The following ZNRF1 variants were observed in gnomAD, a reference collection of about 807,000 sequenced individuals.
ZNRF1 encodes zinc and ring finger 1, also known as E3 ubiquitin-protein ligase ZNRF1.
Under a neutral mutation model 18.4 loss-of-function variants are expected in ZNRF1, and 3 were observed. The observed-to-expected ratio is 0.16, with a 90% CI of 0.07 to 0.42. The LOEUF (loss-of-function observed/expected upper bound fraction) is 0.42. Among genes scored for constraint, ZNRF1 ranks in the 10% least tolerant of loss-of-function variants. ZNRF1 has a pLI of 0.99. For missense variants in ZNRF1, 310 were observed against 329.8 expected, an observed-to-expected ratio of 0.94 and a Z score of 0.47; for synonymous variants, 157 against 144.2, an observed-to-expected ratio of 1.09 and a Z score of -0.64.
At chr16:75,045,951 AG>A (rs1416820676) in intron 1 of ZNRF1, among the ~76,000 whole-genome samples, 1 of 151,838 alleles carries the variant, frequency 6.6e-6, no homozygotes, top group Non-Finnish European at 1.5e-5. Context: ...TGCCCAAGCT[AG>A]AGTACAATGG....
intron 1 of ZNRF1, among the ~76,000 whole-genome samples, chr16:75,078,069 C>T (rs1226468196): frequency 6.6e-6 from 1 of 152,196 alleles, no homozygotes; most frequent in African/African-American, 2.4e-5. Flanking sequence ...CTTTATACAA[C>T]TGGTTGCACA....
At chr16:75,020,322 A>G (rs73612101) in intron 1 of ZNRF1, among the ~76,000 whole-genome samples, 3,561 of 151,992 alleles carry the variant, frequency 0.023, 164 homozygotes, top group African/African-American at 0.083. Flanking sequence ...AATGACATAT[A>G]GTTGGATTTT....
intron 1 of ZNRF1, among the ~76,000 whole-genome samples, chr16:75,000,543 T>G (rs1278683278): frequency 1.3e-5 from 2 of 152,204 alleles, no homozygotes; most frequent in Non-Finnish European, 2.9e-5. Context: ...CAGGGGCAAG[T>G]GATGCCTGGA....
At chr16:75,067,225 C>A (rs577562386) in intron 1 of ZNRF1, among the ~76,000 whole-genome samples, 3 of 152,274 alleles carry the variant, frequency 2.0e-5, no homozygotes, top group Admixed American at 6.5e-5. Context: ...CAGCGCTTGT[C>A]CCAAAAGAGA....
intron 1 of ZNRF1, among the ~76,000 whole-genome samples, chr16:75,034,527 T>G (rs2035352443): frequency 6.6e-6 from 1 of 152,256 alleles, no homozygotes; most frequent in South Asian, 2.1e-4. Flanking sequence ...ATTGCATTTA[T>G]GGACACTTGA....
At chr16:75,091,574 C>T (rs1449468209) in intron 1 of ZNRF1, among the ~76,000 whole-genome samples, 2 of 150,520 alleles carry the variant, frequency 1.3e-5, no homozygotes, top group East Asian at 4.0e-4. Flanking sequence ...GCTCTGTCCC[C>T]CAGGCTGGAG....
intron 1 of ZNRF1, among the ~76,000 whole-genome samples, chr16:75,049,068 A>C (rs996055090): frequency 1.3e-5 from 2 of 151,256 alleles, no homozygotes; most frequent in Non-Finnish European, 2.9e-5. Context: ...GCAATGGTGC[A>C]ATCTCAGCTC....
chr16:75,035,172 G>C lies in ZNRF1; in HGVS notation c.424+35077G>C, dbSNP rs773989385. Reference sequence around the variant, plus strand: ...TTCTCCTGCCTCAGCCTCCCAAGTAGCTGGGACTACAGGTGTGTGCACAAC... The same window carrying C: ...TTCTCCTGCCTCAGCCTCCCAAGTACCTGGGACTACAGGTGTGTGCACAAC... On this transcript the variant is annotated intron_variant, in intron 1 of 4. Coordinates refer to ENST00000335325, the MANE Select transcript of ZNRF1 (RefSeq NM_032268.5). Among the ~76,000 whole-genome samples, 41 of 138,818 alleles carry C rather than the reference G, an allele frequency of 3.0e-4. 1 individual carries two copies. Among genetic ancestry groups the C allele is most frequent in the Non-Finnish European group, 7.6e-5 (5 of 65,772 alleles). 91.1% of individuals were successfully genotyped at this position (138,818 alleles called of 152,430 possible).
At chr16:75,002,666 C>T (rs920438281) in intron 1 of ZNRF1, among the ~76,000 whole-genome samples, 4 of 152,142 alleles carry the variant, frequency 2.6e-5, no homozygotes, top group Non-Finnish European at 5.9e-5. Flanking sequence ...AAGACATATC[C>T]CCTCTCTTGA....
chr16:75,079,977 G>A (rs998221715), intron 1 of ZNRF1, among the ~76,000 whole-genome samples: 3 of 152,192 alleles, frequency 2.0e-5, no homozygotes, highest in Admixed American at 6.5e-5. Flanking sequence ...GTGCAGTGGC[G>A]CGAGCTTGGC....
chr16:75,066,566 G>A (rs902722673), intron 1 of ZNRF1, among the ~76,000 whole-genome samples: 30 of 152,162 alleles, frequency 2.0e-4, no homozygotes, highest in African/African-American at 7.0e-4. Context: ...GCAGTGGCGC[G>A]ATGTCAGGTT....
rs114841301 is a variant in ZNRF1 at position 75,032,195 on chromosome 16, C to T, written c.424+32100C>T. On this transcript the variant is annotated intron_variant, in intron 1 of 4. Coordinates refer to ENST00000335325, the MANE Select transcript of ZNRF1 (RefSeq NM_032268.5). The stretch of plus-strand genomic sequence containing the variant: ...TACGGTCTCAGCTTACTACACCCTC[C>T]GTCTCCTGGGTTCAAGCAATTGTCT... Among the ~76,000 whole-genome samples, 1,068 of 150,526 alleles carry T rather than the reference C, an allele frequency of 7.1e-3. 13 individuals carry two copies. Among genetic ancestry groups the T allele is most frequent in the African/African-American group, 0.025 (1,028 of 40,730 alleles).
intron 1 of ZNRF1, among the ~76,000 whole-genome samples, chr16:75,085,022 T>G (rs2036057392): frequency 1.3e-5 from 2 of 152,250 alleles, no homozygotes; most frequent in Admixed American, 1.3e-4. Context: ...CATATTTGTT[T>G]ACAGGTTTTT....
chr16:75,027,206 G>A (rs1019809866), intron 1 of ZNRF1, among the ~76,000 whole-genome samples: 12 of 151,952 alleles, frequency 7.9e-5, no homozygotes, highest in Admixed American at 6.6e-4. Context: ...AGGAGGTCAA[G>A]GCTGCAATGA....
rs563139178 is a variant in ZNRF1, at chr16:75,021,013, A to G, written c.424+20918A>G. The stretch of plus-strand genomic sequence containing the variant: ...CAGTTTGTCTTACACATTGCTGTGG[A>G]TCGGTATTACAATTCTACCTTGTTT... On this transcript the variant is annotated intron_variant, in intron 1 of 4. Transcript: ENST00000335325. 1.8e-4 allele frequency among the ~76,000 whole-genome samples: 27 copies of G among 152,164 alleles called. No homozygotes were observed. In the South Asian group the frequency reaches 5.4e-3, roughly 30 times the overall value.
intron 1 of ZNRF1, among the ~76,000 whole-genome samples, chr16:75,044,206 CAGAT>C (rs2035485831): frequency 6.6e-6 from 1 of 152,038 alleles, no homozygotes; most frequent in South Asian, 2.1e-4. Context: ...AGGTGTAGGA[CAGAT>C]AGAGCTCTGA....
At position 75,108,672 on chromosome 16, in the gene ZNRF1, A is replaced by G. The variant is rs188248159; in HGVS notation, c.*972A>G. 5 of 398,568 alleles carry G rather than the reference A, an allele frequency of 1.3e-5. No homozygotes were observed. Among genetic ancestry groups the G allele is most frequent in the East Asian group, 1.1e-4 (3 of 28,028 alleles). 24.7% of individuals were successfully genotyped at this position (398,568 alleles called of 1,614,324 possible). On this transcript the variant is annotated 3_prime_UTR_variant, in exon 5 of 5. Coordinates refer to ENST00000335325, the MANE Select transcript of ZNRF1 (RefSeq NM_032268.5). ...GGAGAAAAGCTTTCTTCATTAGTCAAGGTGTTTTGATATGGTATTAAAATG... is the reference window on the plus strand; with the variant it reads ...GGAGAAAAGCTTTCTTCATTAGTCAGGGTGTTTTGATATGGTATTAAAATG...
At chr16:75,090,385 T>C (rs1327575164) in intron 1 of ZNRF1, among the ~76,000 whole-genome samples, 3 of 152,202 alleles carry the variant, frequency 2.0e-5, no homozygotes, top group Non-Finnish European at 4.4e-5. Context: ...GTTCTGGTTG[T>C]TGTGTCCTTT....
chr16:75,027,075 G>C (rs553819373), intron 1 of ZNRF1, among the ~76,000 whole-genome samples: 1 of 151,926 alleles, frequency 6.6e-6, no homozygotes, highest in South Asian at 2.1e-4. Context: ...AAGACCCAGC[G>C]GTTAGGGAAC....
Sources: allele counts gnomAD v4.1 joint callset (sites outside exome capture counted in the v4.1 genomes callset), GRCh38; gene constraint gnomAD v4.1.1; transcripts MANE v1.5; gene names NCBI Gene and HGNC (gene_info 2026-07-23, HGNC 2026-07-21).